TEX14: variants seen among roughly 807,000 people sequenced by gnomAD.
TEX14 encodes testis expressed 14, intercellular bridge forming factor.
Under a neutral mutation model 178.6 loss-of-function variants are expected in TEX14, and 168 were observed. The ratio of observed to expected loss-of-function variants is 0.94; its 90% confidence interval spans 0.83 to 1.07. The LOEUF (loss-of-function observed/expected upper bound fraction) is 1.07, where lower values mean the gene tolerates loss of function less well. Ranked by LOEUF, TEX14 falls within the 50% of genes least tolerant of loss-of-function variation. TEX14 has a pLI of 0.00. For synonymous variants in TEX14, 626 were observed against 634.1 expected (o/e 0.99, Z 0.19); for missense variants, 1,730 against 1,753.6 (o/e 0.99, Z 0.24).
intron 2 of TEX14, among the ~76,000 whole-genome samples, 166 bp downstream of exon 2, chr17:58,651,700 G>A (rs192249666): frequency 6.5e-4 from 99 of 152,282 alleles, no homozygotes; most frequent in African/African-American, 1.9e-3. Context: ...TCAAAATGAG[G>A]ATTTAACACC....
intron 11 of TEX14, among the ~76,000 whole-genome samples, chr17:58,604,637 T>C (rs2045561457): frequency 6.6e-6 from 1 of 150,688 alleles, no homozygotes; most frequent in Admixed American, 6.6e-5. Flanking sequence ...CTCAGCTCAC[T>C]GCAACCTCTG....
intron 13 of TEX14, among the ~76,000 whole-genome samples, chr17:58,601,511 G>A (rs150820068): frequency 6.8e-6 from 1 of 146,188 alleles, no homozygotes; most frequent in Non-Finnish European, 1.5e-5. Flanking sequence ...AACAGAGCAA[G>A]ATTCCATCTC....
intron 15 of TEX14, among the ~76,000 whole-genome samples, chr17:58,591,541 T>C (rs1486788761): frequency 6.6e-6 from 1 of 151,896 alleles, no homozygotes; most frequent in Non-Finnish European, 1.5e-5. Flanking sequence ...AATAAATAAA[T>C]AAAATGTCTG....
rs1325680118 is a variant in TEX14, at chr17:58,650,943, GAA to G, written c.136+921_136+922del. Among the ~76,000 whole-genome samples, 9 of 152,270 alleles carry G rather than the reference GAA, an allele frequency of 5.9e-5. No individual in the cohort carries two copies. In the South Asian group the frequency reaches 1.9e-3, roughly 32 times the overall value. ...TCAGAAGCCTCCCCTTCAATACTAAGAAAAGAGACAGGGGATCAAGCAGGACC... is the reference window on the plus strand; with the variant it reads ...TCAGAAGCCTCCCCTTCAATACTAAGAAGAGACAGGGGATCAAGCAGGACC... On this transcript the variant is annotated intron_variant, in intron 2 of 31. Coordinates refer to ENST00000349033, the MANE Select transcript of TEX14 (RefSeq NM_031272.5).
At chr17:58,629,592 A>C (rs972514638) in intron 3 of TEX14, among the ~76,000 whole-genome samples, 5 of 152,114 alleles carry the variant, frequency 3.3e-5, no homozygotes, top group Non-Finnish European at 7.4e-5. Context: ...TGGGAGGCCA[A>C]GGCGGGCAGA....
At position 58,593,543 on chromosome 17, in the gene TEX14, A is replaced by G. The variant is rs2045208474; in HGVS notation, c.2576+12T>C. On this transcript the variant is annotated intron_variant, in intron 15 of 31. Coordinates refer to ENST00000349033, the MANE Select transcript of TEX14 (RefSeq NM_031272.5). ...GCATAGTGACATTAAGAACAACAAAATGTTGACCCACCTACTGGTATTTTG... is the reference window on the plus strand; with the variant it reads ...GCATAGTGACATTAAGAACAACAAAGTGTTGACCCACCTACTGGTATTTTG... 6.2e-7 allele frequency: 1 copy of G among 1,604,302 alleles called. No individual in the cohort carries two copies. Among genetic ancestry groups the G allele is most frequent in the South Asian group, 1.1e-5 (1 of 90,858 alleles).
chr17:58,603,228 T>C (rs1283360886), intron 11 of TEX14, among the ~76,000 whole-genome samples: 1 of 151,440 alleles, frequency 6.6e-6, no homozygotes, highest in East Asian at 1.9e-4. Flanking sequence ...ATGTATATTG[T>C]CATTTTGCCT....
intron 1 of TEX14, among the ~76,000 whole-genome samples, chr17:58,659,631 T>C (rs2047065693): frequency 6.6e-6 from 1 of 152,200 alleles, no homozygotes; most frequent in African/African-American, 2.4e-5. Flanking sequence ...AATCGCATTG[T>C]GTGATAAGAA....
At chr17:58,565,035 T>TA in intron 27 of TEX14, 67 bp from the exon 28 acceptor site, 1 of 1,044,564 alleles carries the variant, frequency 9.6e-7, no homozygotes, top group Non-Finnish European at 1.4e-6. Flanking sequence ...TGCCTTAAAA[T>TA]AGAGTGCAAA....
At chr17:58,619,148 C>T (rs1598391566) in intron 5 of TEX14, among the ~76,000 whole-genome samples, 3 of 152,174 alleles carry the variant, frequency 2.0e-5, no homozygotes, top group South Asian at 2.1e-4. Context: ...TTACCAGTGA[C>T]GAGGCCTCCT....
At chr17:58,571,862 G>A (rs1472173133) in intron 24 of TEX14, 59 bp downstream of exon 24, 2 of 1,467,808 alleles carry the variant, frequency 1.4e-6, no homozygotes, top group East Asian at 2.3e-5. Flanking sequence ...TGGCAGTTTG[G>A]GTCACTGGGC....
intron 9 of TEX14, 146 bp from the exon 10 acceptor site, chr17:58,611,485 G>A: frequency 1.6e-6 from 1 of 642,432 alleles, no homozygotes; most frequent in South Asian, 2.0e-5. Context: ...AAAGCTCAGT[G>A]AGGCTAAGTG....
At chr17:58,628,562 A>T (rs1327214916) in intron 3 of TEX14, among the ~76,000 whole-genome samples, 1 of 152,142 alleles carries the variant, frequency 6.6e-6, no homozygotes, top group Non-Finnish European at 1.5e-5. Flanking sequence ...AATATAAAAC[A>T]TTAGCTGGGT....
At chr17:58,581,703 G>T (rs1342047649) in intron 19 of TEX14, 1 of 1,613,062 alleles carries the variant, frequency 6.2e-7, no homozygotes, top group African/African-American at 1.3e-5. Context: ...GAAGACTCTG[G>T]TGAACAAGTT....
chr17:58,619,001 T>C (rs775137888), intron 5 of TEX14, among the ~76,000 whole-genome samples: 9 of 152,184 alleles, frequency 5.9e-5, no homozygotes, highest in Admixed American at 3.9e-4. Context: ...CACCAAATCA[T>C]CAGTCTCTTC....
intron 19 of TEX14, among the ~76,000 whole-genome samples, chr17:58,580,351 GC>G (rs1303010323): frequency 1.3e-5 from 2 of 151,928 alleles, no homozygotes; most frequent in African/African-American, 4.8e-5. Context: ...TCATTCTGTC[GC>G]CCAGGCTGGA....
intron 21 of TEX14, among the ~76,000 whole-genome samples, chr17:58,575,641 A>C (rs2044657816): frequency 6.6e-6 from 1 of 152,242 alleles, no homozygotes; most frequent in South Asian, 2.1e-4. Flanking sequence ...ACTTCTGGGC[A>C]GAAACTTTAA....
chr17:58,659,413 C>T, intron 1 of TEX14: 1 of 670,574 alleles, frequency 1.5e-6, no homozygotes, highest in Non-Finnish European at 1.8e-6. Context: ...ACTACCGCTT[C>T]TTCGTATGAC....
At chr17:58,558,186 C>A (rs767764304) in intron 30 of TEX14, among the ~76,000 whole-genome samples, 1 of 152,150 alleles carries the variant, frequency 6.6e-6, no homozygotes, top group African/African-American at 2.4e-5. Context: ...AATGTACCCA[C>A]GGCTGGTTCA....
Sources: gnomAD v4.1 joint callset for allele counts (sites outside exome capture counted in the v4.1 genomes callset) on GRCh38, gnomAD v4.1.1 for gene constraint, MANE v1.5 for transcripts, NCBI Gene and HGNC (gene_info 2026-07-23, HGNC 2026-07-21) for gene names.